CDC14B: variants seen among roughly 807,000 people sequenced by gnomAD.
CDC14B encodes the protein dual specificity protein phosphatase CDC14B.
Under a neutral mutation model 64.2 loss-of-function variants are expected in CDC14B, and 22 were observed. The observed-to-expected ratio is 0.34, with a 90% CI of 0.24 to 0.49. CDC14B has a LOEUF of 0.49. Ranked by LOEUF, CDC14B falls within the 20% of genes least tolerant of loss-of-function variation. CDC14B has a pLI of 0.99. For synonymous variants in CDC14B, 191 were observed against 215.8 expected (o/e 0.89, Z 1.01); for missense variants, 498 against 629.9 (o/e 0.79, Z 2.24).
At chr9:96,611,077 C>T (rs1847282703) in intron 1 of CDC14B, among the ~76,000 whole-genome samples, 1 of 146,382 alleles carries the variant, frequency 6.8e-6, no homozygotes, top group African/African-American at 2.6e-5. Flanking sequence ...GAGCAGTATC[C>T]ATGAAAAGCT....
chr9:96,619,352 C>A lies in CDC14B; in HGVS notation c.27G>T (p.Ser9=), dbSNP rs1249203310. The change falls in exon 1 of 14, where the codon TCG becomes TCT. Residue 9 remains serine, a synonymous_variant. Transcript: ENST00000375241. MKRKSERR[S]SWAAAPPCSR... ...AGCAGGGGGGCGCGGCGGCCCAGCT[C>A]GACCGCCGCTCGCTTTTCCGCTTCA... is the stretch of plus-strand genomic sequence containing the variant. 3.5e-5 allele frequency: 43 copies of A among 1,243,724 alleles called. No homozygotes were observed. The highest frequency in any genetic ancestry group is 4.3e-5 in the Non-Finnish European group (43 of 990,426). 77.0% of individuals were successfully genotyped at this position (1,243,724 alleles called of 1,614,324 possible). A position where few individuals can be genotyped will look rare whatever the true frequency, so the allele number is the denominator to read the frequency against.
downstream of CDC14B, among the ~76,000 whole-genome samples, chr9:96,496,809 C>T (rs16910974): frequency 0.014 from 2,179 of 152,304 alleles, 50 homozygotes; most frequent in African/African-American, 0.049. Context: ...CCCGCCGGCC[C>T]GAGAGCACCG....
intron 1 of CDC14B, 33 bp downstream of exon 1, chr9:96,619,186 C>T (rs2119128736): frequency 8.1e-7 from 1 of 1,237,224 alleles, no homozygotes; most frequent in Non-Finnish European, 1.0e-6. Flanking sequence ...TGCGGCCGTC[C>T]GGGGCCCTCC....
intron 1 of CDC14B, among the ~76,000 whole-genome samples, chr9:96,609,844 T>C (rs948567942): frequency 3.9e-5 from 6 of 152,186 alleles, no homozygotes; most frequent in Admixed American, 2.0e-4. Context: ...TTTAATGGTA[T>C]AAAACTGAAC....
chr9:96,597,680 A>G (rs1158054998), intron 1 of CDC14B, among the ~76,000 whole-genome samples: 2 of 152,186 alleles, frequency 1.3e-5, no homozygotes, highest in Non-Finnish European at 2.9e-5. Flanking sequence ...CACTATAAAA[A>G]ATGTTAAAAG....
chr9:96,593,486 CAAAA>C (rs1216525397), intron 1 of CDC14B, among the ~76,000 whole-genome samples: 1 of 52,568 alleles, frequency 1.9e-5, no homozygotes, highest in Non-Finnish European at 4.1e-5. Flanking sequence ...GACTTGGTCT[CAAAA>C]AAAAAAAAAA....
intron 1 of CDC14B, 138 bp downstream of exon 1, chr9:96,619,081 C>T: frequency 3.8e-6 from 2 of 521,482 alleles, no homozygotes; most frequent in Non-Finnish European, 5.3e-6. Context: ...GTGTGGCGGC[C>T]GGGGCGTTTA....
intron 1 of CDC14B, among the ~76,000 whole-genome samples, chr9:96,581,386 T>G (rs1845140558): frequency 6.6e-6 from 1 of 152,004 alleles, no homozygotes; most frequent in South Asian, 2.1e-4. Context: ...GGAGGATCAC[T>G]TGAGCCCAGG....
chr9:96,507,753 A>G (rs1834361510), intron 13 of CDC14B, among the ~76,000 whole-genome samples: 1 of 152,124 alleles, frequency 6.6e-6, no homozygotes. Flanking sequence ...AGTGTCAGTT[A>G]AAACACTCCC....
rs1246528628 is a variant in CDC14B at position 96,503,047 on chromosome 9, C to G, written c.*706G>C. 5.1e-6 allele frequency: 2 copies of G among 394,560 alleles called. No individual in the cohort carries two copies. The highest frequency in any genetic ancestry group is 3.6e-5 in the East Asian group (1 of 27,938). The allele number at this position is 394,560 out of a possible 1,614,324, so 24.4% of individuals were successfully genotyped here. On this transcript the variant is annotated 3_prime_UTR_variant, in exon 14 of 14. Transcript: ENST00000375241. ...GAACGACTTGCAACATCTTCCAACT[C>G]TGAAGTCAGTTTCTCCTCCTGAGTC...
Position 96,591,720 on chromosome 9 carries a change from G to C in CDC14B, c.161-26237C>G, listed in dbSNP as rs188282296. 1.4e-3 allele frequency among the ~76,000 whole-genome samples: 206 copies of C among 152,128 alleles called. 2 individuals carry two copies. The highest frequency in any genetic ancestry group is 4.6e-3 in the African/African-American group (192 of 41,498). On this transcript the variant is annotated intron_variant, in intron 1 of 13. Coordinates refer to ENST00000375241, the MANE Select transcript of CDC14B (RefSeq NM_033331.4). ...AAGTCTTCCGATTCACAAGCAACAA[G>C]ATGTCTTTCCATTTATTTGTGTCTT...
intron 1 of CDC14B, among the ~76,000 whole-genome samples, chr9:96,583,531 G>A (rs953733790): frequency 4.6e-5 from 7 of 151,218 alleles, no homozygotes; most frequent in African/African-American, 1.7e-4. Flanking sequence ...AGAGTAGCTG[G>A]GACTACAGGT....
At chr9:96,504,307 C>T (rs1292805946) in intron 13 of CDC14B, among the ~76,000 whole-genome samples, 2 of 152,108 alleles carry the variant, frequency 1.3e-5, no homozygotes, top group African/African-American at 2.4e-5. Flanking sequence ...GGGCTACCTG[C>T]CTCCGCACTC....
At chr9:96,560,921 G>C (rs1278529822) in intron 4 of CDC14B, among the ~76,000 whole-genome samples, 2 of 151,696 alleles carry the variant, frequency 1.3e-5, no homozygotes, top group Non-Finnish European at 2.9e-5. Flanking sequence ...AATAAATTTT[G>C]AAGTTTTCTC....
intron 1 of CDC14B, chr9:96,618,676 C>A (rs984984989): frequency 6.0e-6 from 3 of 503,274 alleles, no homozygotes; most frequent in African/African-American, 5.9e-5. Context: ...AGGAGAGGGG[C>A]TCGGGCTTAC....
intron 1 of CDC14B, among the ~76,000 whole-genome samples, chr9:96,606,657 C>A (rs1402188411): frequency 1.3e-5 from 2 of 151,804 alleles, no homozygotes; most frequent in African/African-American, 2.4e-5. Flanking sequence ...ACCTCTACCT[C>A]CCGGGTTCAA....
At chr9:96,573,292 C>T (rs1005063791) in intron 1 of CDC14B, among the ~76,000 whole-genome samples, 8 of 152,026 alleles carry the variant, frequency 5.3e-5, no homozygotes, top group Non-Finnish European at 7.4e-5. Context: ...GCCTGGGTGA[C>T]CAAGTAAGAC....
rs200946990 is a variant in CDC14B at position 96,571,170 on chromosome 9, G to GA, written c.161-5688dup. Among the ~76,000 whole-genome samples the GA allele has an allele frequency of 5.0e-4, 74 of 147,992 alleles. 1 individual carries two copies. The highest frequency in any genetic ancestry group is 4.2e-3 in the Admixed American group (64 of 15,098). ...TGTCAGACAACTATAAAATTATAAC[G>GA]AAAAAAAAATTTTTTTTTTTTTTTG... On this transcript the variant is annotated intron_variant, in intron 1 of 13. Transcript: ENST00000375241.
chr9:96,514,048 C>A (rs1835275130), intron 12 of CDC14B, among the ~76,000 whole-genome samples: 1 of 152,192 alleles, frequency 6.6e-6, no homozygotes, highest in African/African-American at 2.4e-5. Context: ...GTAACTGTCA[C>A]AAGCTTTTTG....
Sources: gnomAD v4.1 joint callset for allele counts (sites outside exome capture counted in the v4.1 genomes callset) on GRCh38, gnomAD v4.1.1 for gene constraint, MANE v1.5 for transcripts, NCBI Gene and HGNC (gene_info 2026-07-23, HGNC 2026-07-21) for gene names.